NRXN2: variants seen among roughly 807,000 people sequenced by gnomAD.
NRXN2 encodes the protein neurexin 2, also known as neurexin-2-beta.
NRXN2 carries 29 observed loss-of-function variants against 128.8 expected under a neutral mutation model. The observed-to-expected ratio is 0.23, with a 90% CI of 0.17 to 0.31. The LOEUF (loss-of-function observed/expected upper bound fraction) is 0.31. Among genes scored for constraint, NRXN2 ranks in the 10% least tolerant of loss-of-function variants. NRXN2 has a pLI of 1.00. For missense variants in NRXN2, 1,881 were observed against 2,452.6 expected (o/e 0.77, Z 4.92); for synonymous variants, 1,098 against 1,075.2 (o/e 1.02, Z -0.41).
chr11:64,644,169 A>G (rs1043328378), intron 17 of NRXN2, among the ~76,000 whole-genome samples: 1 of 152,128 alleles, frequency 6.6e-6, no homozygotes, highest in Non-Finnish European at 1.5e-5. Context: ...ATCACAGGAC[A>G]TGAATGGCCA....
intron 17 of NRXN2, among the ~76,000 whole-genome samples, chr11:64,638,572 C>T (rs1435254881): frequency 6.6e-6 from 1 of 152,206 alleles, no homozygotes; most frequent in Non-Finnish European, 1.5e-5. Flanking sequence ...TTCTAGGAGA[C>T]ACGGAGCGCA....
At chr11:64,702,451 T>C (rs371197412) in intron 2 of NRXN2, among the ~76,000 whole-genome samples, 1 of 151,736 alleles carries the variant, frequency 6.6e-6, no homozygotes, top group Non-Finnish European at 1.5e-5. Flanking sequence ...TTTTGTTCTG[T>C]ACTAAGAAAA....
In NRXN2 at chr11:64,660,033, T is replaced by C. The variant is rs182467796; in HGVS notation, c.2389+299A>G. 1.5e-3 allele frequency among the ~76,000 whole-genome samples: 234 copies of C among 152,334 alleles called. 1 individual carries two copies. Among genetic ancestry groups the C allele is most frequent in the Admixed American group, 4.2e-3 (64 of 15,304 alleles). On this transcript the variant is annotated intron_variant, in intron 11 of 22. Coordinates refer to ENST00000265459, the MANE Select transcript of NRXN2 (RefSeq NM_015080.4). The surrounding 1 kb of genome is among the most constrained non-coding windows in gnomAD (Gnocchi z 5.2). The stretch of plus-strand genomic sequence containing the variant: ...AAATGAGCTGTGTCATCTGTGTGTG[T>C]GCAGGACAGATGCTACCAAGATCCA...
intron 19 of NRXN2, among the ~76,000 whole-genome samples, chr11:64,628,340 G>A (rs1006284134): frequency 6.6e-6 from 1 of 152,266 alleles, no homozygotes; most frequent in South Asian, 2.1e-4. Context: ...CAGAATCCAT[G>A]GGCTGTGTCT....
Position 64,648,154 on chromosome 11 carries a change from A to G in NRXN2, c.3403+65T>C. ...TCAGAGGCCCTGTTTCCTCCCTGGCAGCCCCTATGGCTGGGAATGGACCCT... is the reference window on the plus strand; with the variant it reads ...TCAGAGGCCCTGTTTCCTCCCTGGCGGCCCCTATGGCTGGGAATGGACCCT... On this transcript the variant is annotated intron_variant, in intron 17 of 22. Coordinates refer to ENST00000265459, the MANE Select transcript of NRXN2 (RefSeq NM_015080.4). The surrounding 1 kb of genome is among the most constrained non-coding windows in gnomAD (Gnocchi z 4.1). 1 of 1,611,136 alleles carries G rather than the reference A, an allele frequency of 6.2e-7. No individual in the cohort carries two copies. The highest frequency in any genetic ancestry group is 1.1e-5 in the South Asian group (1 of 91,018).
chr11:64,712,665 G>A (rs1289403874), intron 2 of NRXN2: 1 of 568,956 alleles, frequency 1.8e-6, no homozygotes, highest in South Asian at 1.6e-5. Context: ...AAGCCCACGG[G>A]GCTTCATGCA....
chr11:64,656,609 G>A (rs1016257743), intron 11 of NRXN2, among the ~76,000 whole-genome samples: 5 of 152,098 alleles, frequency 3.3e-5, no homozygotes, highest in African/African-American at 1.2e-4. Context: ...ACACCCTTCA[G>A]GTCAGCTGCA....
intron 7 of NRXN2, among the ~76,000 whole-genome samples, chr11:64,672,999 G>A (rs1489494876): frequency 6.6e-6 from 1 of 152,132 alleles, no homozygotes; most frequent in Non-Finnish European, 1.5e-5. Context: ...TCTCATCTGT[G>A]ACAGGAGTTT....
At chr11:64,718,600 G>A (rs1298989909) in intron 1 of NRXN2, among the ~76,000 whole-genome samples, 2 of 152,166 alleles carry the variant, frequency 1.3e-5, no homozygotes, top group East Asian at 1.9e-4. Context: ...TGAGTTCCCC[G>A]TCTGTGGGGG....
intron 22 of NRXN2, among the ~76,000 whole-genome samples, chr11:64,619,655 C>A (rs1229433027): frequency 6.6e-6 from 1 of 152,158 alleles, no homozygotes; most frequent in Non-Finnish European, 1.5e-5. Context: ...AGACCTCAGG[C>A]CCTAATATTC....
intron 7 of NRXN2, among the ~76,000 whole-genome samples, chr11:64,673,381 A>T (rs1303936162): frequency 6.6e-6 from 1 of 152,176 alleles, no homozygotes; most frequent in East Asian, 1.9e-4. Context: ...ACAACATGAA[A>T]ATAGTCCATA....
Position 64,650,529 on chromosome 11 carries a change from G to C in NRXN2, c.3028C>G (p.Pro1010Ala). Reference sequence around the variant, plus strand: ...ATCTTGAGCGTGTGCACGTTGCCTGGGTCCCTGGACACCACCACGTTGTGC... The same window carrying C: ...ATCTTGAGCGTGTGCACGTTGCCTGCGTCCCTGGACACCACCACGTTGTGC... ...QWHNVVVSRD[P>A]GNVHTLKIDS... Residue 1010 changes from proline to alanine, a missense_variant, in exon 15 of 23, where the codon CCA becomes GCA. Physicochemically the swap from Pro to Ala is conservative, Grantham distance 27 (BLOSUM62 -1). Coordinates refer to ENST00000265459, the MANE Select transcript of NRXN2 (RefSeq NM_015080.4). 1 of 1,614,170 alleles carries C rather than the reference G, an allele frequency of 6.2e-7. No individual in the cohort carries two copies. Among genetic ancestry groups the C allele is most frequent in the Non-Finnish European group, 8.5e-7 (1 of 1,180,034 alleles).
At chr11:64,693,332 G>A (rs1226377087) in intron 3 of NRXN2, among the ~76,000 whole-genome samples, 2 of 149,312 alleles carry the variant, frequency 1.3e-5, no homozygotes, top group Non-Finnish European at 3.0e-5. Flanking sequence ...TTTTTCTTCC[G>A]GGAGGCGGAG....
intron 22 of NRXN2, among the ~76,000 whole-genome samples, chr11:64,612,230 C>T (rs985469010): frequency 3.9e-5 from 6 of 152,132 alleles, no homozygotes; most frequent in African/African-American, 1.4e-4. Flanking sequence ...CTCAAAGACT[C>T]CTCCCTGCCA....
At chr11:64,637,812 C>T (rs983786602) in intron 17 of NRXN2, among the ~76,000 whole-genome samples, 2 of 152,142 alleles carry the variant, frequency 1.3e-5, no homozygotes, top group Non-Finnish European at 2.9e-5. Context: ...TCACTTCCCA[C>T]CCCAGATTCC....
rs774679959 is a variant in NRXN2, at chr11:64,713,312, C to A, written c.388G>T (p.Gly130Cys). ...CGCACCTCGGCGGCGCGGGCCTCGC[C>A]GTCCACCGCCAGCGCCGTGCGGCGC... ...DARRTALAVD[G>C]EARAAEVRSK... The change falls in exon 2 of 23, where the codon GGC becomes TGC. Residue 130 changes from glycine (G) to cysteine (C), a missense_variant. Gly to Cys is a radical substitution (Grantham distance 159). This residue lies in a region of NRXN2 where 997 missense variants were observed against 1,240.8 expected (regional missense o/e 0.80). Coordinates refer to ENST00000265459, the MANE Select transcript of NRXN2 (RefSeq NM_015080.4). 1.5e-6 allele frequency: 2 copies of A among 1,361,252 alleles called. No homozygotes were observed. The highest frequency in any genetic ancestry group is 1.9e-6 in the Non-Finnish European group (2 of 1,063,554). The allele number at this position is 1,361,252 out of a possible 1,614,324, so 84.3% of individuals were successfully genotyped here.
At chr11:64,647,820 C>G (rs943506711) in intron 17 of NRXN2, among the ~76,000 whole-genome samples, 7 of 152,224 alleles carry the variant, frequency 4.6e-5, no homozygotes, top group Non-Finnish European at 1.0e-4. Context: ...AACAGCCCCC[C>G]TCCCTGTGCA....
intron 7 of NRXN2, 139 bp downstream of exon 7, chr11:64,676,854 T>A: frequency 1.4e-6 from 1 of 695,432 alleles, no homozygotes; most frequent in South Asian, 1.6e-5. Context: ...AATCTAAAGA[T>A]TGTCCAGGAC....
chr11:64,664,122 A>G (rs919292265), intron 9 of NRXN2, among the ~76,000 whole-genome samples: 1 of 152,218 alleles, frequency 6.6e-6, no homozygotes, highest in Non-Finnish European at 1.5e-5. Flanking sequence ...AACAATAGTT[A>G]CCAGTGATAT....
Sources: gnomAD v4.1 joint callset for allele counts (sites outside exome capture counted in the v4.1 genomes callset) on GRCh38, gnomAD v4.1.1 for gene constraint, gnomAD v4.1.1 regional missense constraint, Gnocchi (gnomAD v3.1) non-coding constraint, MANE v1.5 for transcripts, NCBI Gene and HGNC (gene_info 2026-07-23, HGNC 2026-07-21) for gene names.